CADM2: variants seen among roughly 807,000 people sequenced by gnomAD.
CADM2 encodes the protein cell adhesion molecule 2, also known as immunoglobulin superfamily member 4D.
Under a neutral mutation model 49.8 loss-of-function variants are expected in CADM2, and 12 were observed. That is an observed-to-expected ratio of 0.24 (90% CI 0.15 to 0.39). The LOEUF is 0.39. Among genes scored for constraint, CADM2 ranks in the 10% least tolerant of loss-of-function variants. The pLI is 1.00. For synonymous variants in CADM2, 214 were observed against 175.4 expected (o/e 1.22, Z -1.74); for missense variants, 378 against 492.3 (o/e 0.77, Z 2.20).
rs1270026280 is a variant in CADM2, at chr3:85,321,138, T to A, written c.61+361470T>A. 1.0e-2 allele frequency among the ~76,000 whole-genome samples: 392 copies of A among 39,348 alleles called. 24 individuals carry two copies. Among genetic ancestry groups the A allele is most frequent in the African/African-American group, 0.012 (69 of 5,802 alleles). The allele number at this position is 39,348 out of a possible 152,430, so 25.8% of individuals were successfully genotyped here. ...TATATTTTTTTTTTTTTTTTTTTTTTTTTTTTTTTTTTTTTTTTTTTTTTT... is the reference window on the plus strand; with the variant it reads ...TATATTTTTTTTTTTTTTTTTTTTTATTTTTTTTTTTTTTTTTTTTTTTTT... On this transcript the variant is annotated intron_variant, in intron 1 of 9. Transcript: ENST00000383699.
intron 1 of CADM2, among the ~76,000 whole-genome samples, chr3:85,365,199 C>CATTT: frequency 9.6e-6 from 1 of 104,710 alleles, no homozygotes; most frequent in South Asian, 3.5e-4. Context: ...TTTTTTTTTA[C>CATTT]TTTTTTTTTT....
At chr3:85,181,587 C>A (rs995848805) in intron 1 of CADM2, among the ~76,000 whole-genome samples, 1 of 151,852 alleles carries the variant, frequency 6.6e-6, no homozygotes, top group African/African-American at 2.4e-5. Flanking sequence ...AAAACTTTAG[C>A]GGGGAAGTTT....
chr3:86,040,774 T>C (rs1735793328), intron 8 of CADM2, among the ~76,000 whole-genome samples: 1 of 152,044 alleles, frequency 6.6e-6, no homozygotes, highest in Non-Finnish European at 1.5e-5. Flanking sequence ...CCAAGACACA[T>C]AATTGTCAGA....
chr3:85,695,361 G>A (rs1234033150), intron 1 of CADM2, among the ~76,000 whole-genome samples: 1 of 151,776 alleles, frequency 6.6e-6, no homozygotes, highest in African/African-American at 2.4e-5. Context: ...AGTCTCCAAT[G>A]TCCATTATAC....
chr3:85,155,660 C>G, intron 1 of CADM2, among the ~76,000 whole-genome samples: 1 of 151,994 alleles, frequency 6.6e-6, no homozygotes, highest in Non-Finnish European at 1.5e-5. Context: ...CCACACCACA[C>G]CTATTCCAAA....
chr3:85,458,361 T>G (rs2107583596), intron 1 of CADM2, among the ~76,000 whole-genome samples: 1 of 152,338 alleles, frequency 6.6e-6, no homozygotes, highest in African/African-American at 2.4e-5. Flanking sequence ...GAAGGATATC[T>G]TTGAATAATG....
intron 1 of CADM2, among the ~76,000 whole-genome samples, chr3:85,590,409 A>C (rs758422689): frequency 6.6e-6 from 1 of 151,988 alleles, no homozygotes; most frequent in African/African-American, 2.4e-5. Context: ...AAATAATTCA[A>C]ACTTTTAGAC....
intron 1 of CADM2, among the ~76,000 whole-genome samples, chr3:85,129,771 C>T (rs1457262462): frequency 3.9e-5 from 6 of 152,118 alleles, no homozygotes; most frequent in South Asian, 2.1e-4. Context: ...CCACACTTTA[C>T]GTAATTTGGC....
At chr3:85,568,461 T>TTCTTTC (rs1289388324) in intron 1 of CADM2, among the ~76,000 whole-genome samples, 13 of 15,232 alleles carry the variant, frequency 8.5e-4, no homozygotes, top group Non-Finnish European at 1.7e-3. Context: ...CTTTCTTTCT[T>TTCTTTC]TCTCTTTCTC....
At chr3:86,034,239 T>G (rs9879757) in intron 8 of CADM2, among the ~76,000 whole-genome samples, 2 of 152,004 alleles carry the variant, frequency 1.3e-5, no homozygotes, top group Admixed American at 1.3e-4. Flanking sequence ...GGCTCTGATA[T>G]GGACTGAGAA....
intron 1 of CADM2, among the ~76,000 whole-genome samples, chr3:85,364,726 A>G (rs1226525636): frequency 3.9e-5 from 6 of 152,192 alleles, no homozygotes; most frequent in East Asian, 3.9e-4. Flanking sequence ...AGTTAGGTCA[A>G]TGCTGGCTTC....
At chr3:85,642,533 G>A (rs942961560) in intron 1 of CADM2, among the ~76,000 whole-genome samples, 4 of 152,030 alleles carry the variant, frequency 2.6e-5, no homozygotes, top group Admixed American at 6.6e-5. Context: ...GAAATTACAT[G>A]AAATGAGACA....
At chr3:85,732,996 T>C (rs1448035294) in intron 2 of CADM2, among the ~76,000 whole-genome samples, 1 of 152,030 alleles carries the variant, frequency 6.6e-6, no homozygotes, top group Non-Finnish European at 1.5e-5. Context: ...GGGAGTAGGG[T>C]TGGGAGTAGG....
chr3:85,348,040 C>T (rs2030944350), intron 1 of CADM2, among the ~76,000 whole-genome samples: 1 of 152,090 alleles, frequency 6.6e-6, no homozygotes, highest in East Asian at 1.9e-4. Context: ...AACTCCTGAA[C>T]CTCAATTGAT....
intron 1 of CADM2, among the ~76,000 whole-genome samples, chr3:85,359,666 A>ATATATATATATATATTTTTTTTTTTT: frequency 3.8e-5 from 1 of 26,556 alleles, no homozygotes; most frequent in East Asian, 1.3e-3. Context: ...ATATATATAT[A>ATATATATATATATATTTTTTTTTTTT]TTTTTTTTTT....
intron 1 of CADM2, among the ~76,000 whole-genome samples, chr3:85,227,520 T>C (rs2042189838): frequency 6.6e-6 from 1 of 150,856 alleles, no homozygotes; most frequent in South Asian, 2.1e-4. Context: ...ATTTTGAGCC[T>C]ATGTATGTCT....
intron 1 of CADM2, among the ~76,000 whole-genome samples, chr3:85,658,753 A>T (rs1336143307): frequency 6.6e-6 from 1 of 150,980 alleles, no homozygotes; most frequent in Non-Finnish European, 1.5e-5. Flanking sequence ...AGTTTCTGAC[A>T]AACTCTACTG....
chr3:85,647,853 A>G (rs2064933024), intron 1 of CADM2, among the ~76,000 whole-genome samples: 1 of 151,890 alleles, frequency 6.6e-6, no homozygotes, highest in Non-Finnish European at 1.5e-5. Context: ...GACAACAAAA[A>G]TAAAAGAAAG....
intron 8 of CADM2, among the ~76,000 whole-genome samples, chr3:85,983,256 GGAA>G (rs748583583): frequency 6.6e-6 from 1 of 151,618 alleles, no homozygotes; most frequent in Admixed American, 6.6e-5. Context: ...CCTATTTGGA[GGAA>G]GAAGAACTTC....
Sources: gnomAD v4.1 joint callset for allele counts (sites outside exome capture counted in the v4.1 genomes callset) on GRCh38, gnomAD v4.1.1 for gene constraint, MANE v1.5 for transcripts, NCBI Gene and HGNC (gene_info 2026-07-23, HGNC 2026-07-21) for gene names.